The following HPS5 variants were observed in gnomAD, a reference collection of about 807,000 sequenced individuals.
HPS5 encodes the protein HPS5 biogenesis of lysosomal organelles complex 2 subunit 2.
A neutral mutation model predicts 128.0 loss-of-function variants in HPS5; 83 were observed. That is an observed-to-expected ratio of 0.65 (90% CI 0.54 to 0.78). HPS5 has a LOEUF of 0.78. Among genes scored for constraint, HPS5 ranks in the 30% least tolerant of loss-of-function variants. HPS5 has a pLI of 0.00. For missense variants in HPS5, 1,281 were observed against 1,326.2 expected (o/e 0.97, Z 0.53); for synonymous variants, 475 against 470.2 (o/e 1.01, Z -0.13).
Position 18,300,819 on chromosome 11 carries a change from T to C in HPS5, c.985+9A>G. 7.3e-7 allele frequency: 1 copy of C among 1,367,756 alleles called. No individual in the cohort carries two copies. The highest frequency in any genetic ancestry group is 1.0e-6 in the Non-Finnish European group (1 of 960,634). 84.7% of individuals were successfully genotyped at this position (1,367,756 alleles called of 1,614,324 possible). On this transcript the variant is annotated intron_variant, in intron 9 of 22. Transcript: ENST00000349215. ...TGAGATTAAAAATTACAAAGAAAAA[T>C]ATAATTACCTTTGACTTCACTCCAA...
intron 14 of HPS5, 141 bp from the exon 15 acceptor site, chr11:18,293,117 G>A: frequency 1.4e-6 from 1 of 719,242 alleles, no homozygotes; most frequent in South Asian, 1.5e-5. Flanking sequence ...CGCCTCCCGG[G>A]TTCAAGCAAT....
At chr11:18,312,046 T>C in intron 2 of HPS5, 22 bp from the exon 3 acceptor site, 1 of 1,555,120 alleles carries the variant, frequency 6.4e-7, no homozygotes, top group East Asian at 2.2e-5. Flanking sequence ...TGAAGAGAAG[T>C]GTGAGATAAT....
At chr11:18,320,166 C>A (rs892607137) in intron 1 of HPS5, among the ~76,000 whole-genome samples, 22 of 152,150 alleles carry the variant, frequency 1.4e-4, no homozygotes, top group Non-Finnish European at 1.5e-4. Context: ...AATGCCAATT[C>A]TCAGAGAAGC....
At chr11:18,292,878 A>C (rs758545546) in intron 15 of HPS5, 21 bp downstream of exon 15, 13 of 1,590,632 alleles carry the variant, frequency 8.2e-6, no homozygotes, top group South Asian at 1.1e-5. Context: ...CGTCACTATA[A>C]AAGTTTCTCA....
intron 17 of HPS5, 28 bp downstream of exon 17, chr11:18,287,865 C>G (rs200457652): frequency 1.6e-5 from 26 of 1,613,618 alleles, no homozygotes; most frequent in Non-Finnish European, 2.1e-5. Flanking sequence ...TGCTTTAGCT[C>G]ATATAAACAA....
intron 11 of HPS5, among the ~76,000 whole-genome samples, chr11:18,297,320 ATATGAG>A (rs758308248): frequency 1.1e-4 from 17 of 152,328 alleles, no homozygotes; most frequent in South Asian, 6.2e-4. Context: ...GCTGGGAGCT[ATATGAG>A]TATATCAGGG....
chr11:18,295,293 G>T, intron 13 of HPS5, 124 bp from the exon 14 acceptor site: 1 of 770,044 alleles, frequency 1.3e-6, no homozygotes, highest in Non-Finnish European at 2.2e-6. Flanking sequence ...AGTAAAGACT[G>T]TTTATAGCAA....
At chr11:18,303,647 G>A (rs1861994184) in intron 8 of HPS5, among the ~76,000 whole-genome samples, 1 of 152,178 alleles carries the variant, frequency 6.6e-6, no homozygotes, top group South Asian at 2.1e-4. Context: ...GAGCTCAGGA[G>A]TTCGAGACCA....
chr11:18,318,834 T>C (rs1422441482), intron 1 of HPS5, among the ~76,000 whole-genome samples: 1 of 152,196 alleles, frequency 6.6e-6, no homozygotes, highest in African/African-American at 2.4e-5. Flanking sequence ...CCATCACTCA[T>C]TTATTCAACA....
At chr11:18,286,448 G>A in intron 19 of HPS5, 143 bp downstream of exon 19, 1 of 766,562 alleles carries the variant, frequency 1.3e-6, no homozygotes, top group Non-Finnish European at 2.1e-6. Flanking sequence ...AAGGTTGAAG[G>A]GTTTAATCAC....
chr11:18,306,981 C>CATCATTCCTCCTCAGAAACTT (rs150379558), intron 6 of HPS5, among the ~76,000 whole-genome samples: 1 of 152,132 alleles, frequency 6.6e-6, no homozygotes, highest in Non-Finnish European at 1.5e-5. Context: ...TCCATGATTC[C>CATCATTCCTCCTCAGAAACTT]ATCATTCCTC....
intron 15 of HPS5, 63 bp downstream of exon 15, chr11:18,292,836 T>C: frequency 8.5e-7 from 1 of 1,183,008 alleles, no homozygotes; most frequent in Non-Finnish European, 1.3e-6. Flanking sequence ...TACAATATAA[T>C]GATTCACTTC....
intron 8 of HPS5, among the ~76,000 whole-genome samples, chr11:18,302,718 C>T (rs1861838228): frequency 6.8e-6 from 1 of 147,668 alleles, no homozygotes; most frequent in Non-Finnish European, 1.5e-5. Context: ...GATCACTATC[C>T]CTACAGGAAA....
intron 12 of HPS5, 149 bp from the exon 13 acceptor site, chr11:18,296,271 C>T (rs1861056884): frequency 1.3e-6 from 1 of 758,652 alleles, no homozygotes; most frequent in Admixed American, 2.4e-5. Context: ...ATGAGTGGAA[C>T]ACAGGTTTAC....
intron 22 of HPS5, 162 bp downstream of exon 22, chr11:18,281,788 T>G: frequency 3.7e-6 from 3 of 812,282 alleles, no homozygotes; most frequent in Non-Finnish European, 6.3e-6. Flanking sequence ...TGGCTGTGAA[T>G]GAAATATTAC....
In HPS5 at chr11:18,292,923, A is replaced by G. The variant is rs1342693800; in HGVS notation, c.1838T>C (p.Leu613Pro). 1 of 1,614,024 alleles carries G rather than the reference A, an allele frequency of 6.2e-7. No homozygotes were observed. Among genetic ancestry groups the G allele is most frequent in the African/African-American group, 1.3e-5 (1 of 75,044 alleles). ...PPPEEDRFQE[L>P]KVATAEAMTK... Reference sequence around the variant, plus strand: ...CATTGCTTCTGCTGTTGCTACTTTAAGCTCCTGGAACCTGTCTTCTTCTGG... The same window carrying G: ...CATTGCTTCTGCTGTTGCTACTTTAGGCTCCTGGAACCTGTCTTCTTCTGG... The change falls in exon 15 of 23, where the codon CTT becomes CCT. Residue 613 changes from leucine (L) to proline (P), a missense_variant. Physicochemically the swap from Leu to Pro is moderately conservative, Grantham distance 98. Transcript: ENST00000349215.
At chr11:18,301,454 C>CA (rs899074500) in intron 8 of HPS5, among the ~76,000 whole-genome samples, 3,757 of 51,174 alleles carry the variant, frequency 0.073, 265 homozygotes, top group African/African-American at 0.16. Flanking sequence ...GACTCTGTCT[C>CA]AAAAAAAAAA....
At chr11:18,319,686 T>G (rs749385193) in intron 1 of HPS5, among the ~76,000 whole-genome samples, 3 of 152,176 alleles carry the variant, frequency 2.0e-5, no homozygotes, top group Non-Finnish European at 2.9e-5. Context: ...GGTCACACAA[T>G]TTCTGTAAAG....
At chr11:18,313,553 A>T (rs865990759) in intron 2 of HPS5, among the ~76,000 whole-genome samples, 1 of 152,294 alleles carries the variant, frequency 6.6e-6, no homozygotes, top group Middle Eastern at 3.4e-3. Flanking sequence ...ACATTTTGGG[A>T]GGTCAGGATG....
Sources: gnomAD v4.1 joint callset for allele counts (sites outside exome capture counted in the v4.1 genomes callset) on GRCh38, gnomAD v4.1.1 for gene constraint, MANE v1.5 for transcripts, NCBI Gene and HGNC (gene_info 2026-07-23, HGNC 2026-07-21) for gene names.